The following CDKL5 variants were observed in gnomAD, a reference collection of about 807,000 sequenced individuals.
CDKL5 encodes cyclin-dependent kinase-like 5.
CDKL5 carries 8 observed loss-of-function variants against 61.7 expected under a neutral mutation model. That is an observed-to-expected ratio of 0.13 (90% CI 0.08 to 0.23). The LOEUF is 0.23. Among genes scored for constraint, CDKL5 ranks in the 10% least tolerant of loss-of-function variants. CDKL5 has a pLI of 1.00. For missense variants in CDKL5, 440 were observed against 734.5 expected (o/e 0.60, Z 4.63); for synonymous variants, 275 against 272.3 (o/e 1.01, Z -0.10).
chrX:18,582,004 A>T (rs1925498191), intron 7 of CDKL5, 54 bp downstream of exon 7: 5 of 821,829 alleles, frequency 6.1e-6, no homozygotes, highest in Non-Finnish European at 9.1e-6. Flanking sequence ...TTATTGTAAC[A>T]CATAGGTAGC....
At position 18,653,574 on chromosome X, in the gene CDKL5, C is replaced by T. The variant is rs754179699; in HGVS notation, c.*30C>T. The T allele has an allele frequency of 1.6e-5, 19 of 1,193,541 alleles. No homozygotes were observed. In the South Asian group the frequency reaches 3.2e-4, roughly 20 times the overall value. ...TGCAAGCCTGCGGCTGGTCCCAATGCCCTGAATCACCTCTCTCATGGAAGA... is the reference window on the plus strand; with the variant it reads ...TGCAAGCCTGCGGCTGGTCCCAATGTCCTGAATCACCTCTCTCATGGAAGA... On this transcript the variant is annotated 3_prime_UTR_variant, in exon 22 of 22. Transcript: ENST00000379989.
At chrX:18,576,187 G>A (rs1925290656) in intron 5 of CDKL5, among the ~76,000 whole-genome samples, 1 of 111,564 alleles carries the variant, frequency 9.0e-6, no homozygotes, top group African/African-American at 3.3e-5. Flanking sequence ...CCAGCACTTT[G>A]GGAGGCTGAG....
chrX:18,607,272 G>A (rs1262987859), intron 12 of CDKL5, among the ~76,000 whole-genome samples: 1 of 111,593 alleles, frequency 9.0e-6, no homozygotes, highest in Admixed American at 9.6e-5. Context: ...CATTTGCAGA[G>A]GCTGGAAGTG....
intron 20 of CDKL5, among the ~76,000 whole-genome samples, chrX:18,648,678 G>C (rs1927896553): frequency 8.9e-6 from 1 of 112,142 alleles, no homozygotes; most frequent in Non-Finnish European, 1.9e-5. Context: ...GAGACATAAA[G>C]ACTGCCTGCT....
chrX:18,579,834 TA>T lies in CDKL5; in HGVS notation c.283-13del. ...TACCTAATTTGGGAAATAATGACTCTATTTAATTTTTAGAATATGCTCGAAT... is the reference window on the plus strand; with the variant it reads ...TACCTAATTTGGGAAATAATGACTCTTTTAATTTTTAGAATATGCTCGAAT... On this transcript the variant is annotated splice_polypyrimidine_tract_variant and intron_variant, in intron 5 of 17. Transcript: ENST00000623535. 1 of 1,203,323 alleles carries T rather than the reference TA, an allele frequency of 8.3e-7. No individual in the cohort carries two copies. The highest frequency in any genetic ancestry group is 1.1e-6 in the Non-Finnish European group (1 of 888,293).
At position 18,634,937 on chromosome X, in the gene CDKL5, G is replaced by A. The variant is rs750999294; in HGVS notation, c.*6180G>A. 3 of 742,279 alleles carry A rather than the reference G, an allele frequency of 4.0e-6. No individual in the cohort carries two copies. In the African/African-American group the frequency reaches 7.4e-5, roughly 18 times the overall value. The allele number at this position is 742,279 out of a possible 1,213,427, so 61.2% of individuals were successfully genotyped here. Reference sequence around the variant, plus strand: ...AGACTCTGTTCATTCTTAAAAATAGGGATAAGCCAGAATGATGTGACATCT... The same window carrying A: ...AGACTCTGTTCATTCTTAAAAATAGAGATAAGCCAGAATGATGTGACATCT... On this transcript the variant is annotated 3_prime_UTR_variant, in exon 18 of 18. Coordinates refer to ENST00000623535, the MANE Select transcript of CDKL5 (RefSeq NM_001323289.2).
chrX:18,646,117 A>G, intron 20 of CDKL5: 2 of 1,211,214 alleles, frequency 1.7e-6, no homozygotes, highest in Non-Finnish European at 2.2e-6. Context: ...GCATGCCATC[A>G]AGCTGCCATA....
chrX:18,566,004 A>C (rs1327864074), intron 4 of CDKL5, among the ~76,000 whole-genome samples: 4 of 112,172 alleles, frequency 3.6e-5, no homozygotes, highest in Non-Finnish European at 7.5e-5. Context: ...GAATGGTTGC[A>C]ACAGTAGATC....
intron 3 of CDKL5, among the ~76,000 whole-genome samples, chrX:18,536,728 G>T (rs1923852844): frequency 1.8e-5 from 2 of 110,355 alleles, no homozygotes; most frequent in Admixed American, 9.7e-5. Context: ...TTACAGGCGT[G>T]AGCCACCGTG....
At chrX:18,468,811 C>T (rs1188490934) in intron 1 of CDKL5, among the ~76,000 whole-genome samples, 2 of 111,199 alleles carry the variant, frequency 1.8e-5, no homozygotes, top group African/African-American at 6.6e-5. Context: ...GAGATTAGTG[C>T]TCAGATCTCG....
intron 9 of CDKL5, 158 bp downstream of exon 9, chrX:18,588,301 T>A (rs1925709970): frequency 2.4e-6 from 1 of 412,292 alleles, no homozygotes; most frequent in East Asian, 4.1e-5. Flanking sequence ...CCGAATTTTT[T>A]AATAGTACTT....
Position 18,615,026 on chromosome X carries a change from G to A in CDKL5, c.2276+1751G>A, listed in dbSNP as rs2238955. On this transcript the variant is annotated intron_variant, in intron 15 of 17. Coordinates refer to ENST00000623535, the MANE Select transcript of CDKL5 (RefSeq NM_001323289.2). ...TCAGTTTAAGTAGAACTTGTTTTACGCGTGGATATGTACAGAAACCTAAAA... is the reference window on the plus strand; with the variant it reads ...TCAGTTTAAGTAGAACTTGTTTTACACGTGGATATGTACAGAAACCTAAAA... Among the ~76,000 whole-genome samples, 108 of 112,099 alleles carry A rather than the reference G, an allele frequency of 9.6e-4. 1 individual carries two copies. In the East Asian group the frequency reaches 0.023, roughly 24 times the overall value.
chrX:18,581,835 C>A, intron 6 of CDKL5, 56 bp from the exon 7 acceptor site: 1 of 767,374 alleles, frequency 1.3e-6, no homozygotes, highest in Non-Finnish European at 2.0e-6. Context: ...CTAACAGTGT[C>A]AATCAGGAGA....
At chrX:18,442,348 C>G (rs1275197453) in intron 1 of CDKL5, 1 of 111,617 alleles carries the variant, frequency 9.0e-6, no homozygotes, top group East Asian at 2.8e-4. Flanking sequence ...TTTACTGACT[C>G]TTCTACCCGT....
intron 3 of CDKL5, among the ~76,000 whole-genome samples, chrX:18,516,780 A>C (rs1923039370): frequency 8.9e-6 from 1 of 111,773 alleles, no homozygotes; most frequent in Non-Finnish European, 1.9e-5. Flanking sequence ...CTTGTCACCC[A>C]GGCTGGAGTC....
At chrX:18,642,043 G>T, downstream of CDKL5, 2 of 1,211,772 alleles carry the variant, frequency 1.7e-6, no homozygotes, top group Non-Finnish European at 2.2e-6. Flanking sequence ...GCTCCATCCG[G>T]ATGGCAATGC....
intron 1 of CDKL5, chrX:18,442,199 C>G (rs1931760947): frequency 9.0e-6 from 1 of 111,224 alleles, no homozygotes; most frequent in African/African-American, 3.3e-5. Flanking sequence ...CCTCAGGACT[C>G]TTTAGAGCTC....
intron 15 of CDKL5, 94 bp from the exon 16 acceptor site, chrX:18,619,773 T>C: frequency 1.7e-6 from 1 of 583,587 alleles, no homozygotes; most frequent in East Asian, 3.6e-5. Flanking sequence ...TATAGGAACC[T>C]AGTGTCATGC....
intron 3 of CDKL5, among the ~76,000 whole-genome samples, chrX:18,549,548 T>C (rs1924314091): frequency 8.9e-6 from 1 of 112,406 alleles, no homozygotes; most frequent in Non-Finnish European, 1.9e-5. Context: ...TTGGTTTTTG[T>C]CTTCTGATCT....
Sources: allele counts gnomAD v4.1 joint callset (sites outside exome capture counted in the v4.1 genomes callset), GRCh38; gene constraint gnomAD v4.1.1; transcripts MANE v1.5; gene names NCBI Gene and HGNC (gene_info 2026-07-23, HGNC 2026-07-21).